The following ALG6 variants were observed in gnomAD, a reference collection of about 807,000 sequenced individuals.
ALG6 encodes dolichyl pyrophosphate Man9GlcNAc2 alpha-1,3-glucosyltransferase.
In ALG6, 46 loss-of-function variants were observed where a neutral mutation model predicts 66.6. The ratio of observed to expected loss-of-function variants is 0.69; its 90% CI spans 0.55 to 0.88. The LOEUF (loss-of-function observed/expected upper bound fraction) is 0.88. Ranked by LOEUF, ALG6 falls within the 40% of genes least tolerant of loss-of-function variation. The pLI, the probability that ALG6 is intolerant of heterozygous loss-of-function variation, is 0.00. For synonymous variants in ALG6, 185 were observed against 203.7 expected, an observed-to-expected ratio of 0.91 and a Z score of 0.78; for missense variants, 505 against 586.8, an observed-to-expected ratio of 0.86 and a Z score of 1.44.
intron 12 of ALG6, among the ~76,000 whole-genome samples, chr1:63,425,277 A>G (rs1253195410): frequency 6.6e-6 from 1 of 152,184 alleles, no homozygotes; most frequent in African/African-American, 2.4e-5. Context: ...CAAGAGGAGG[A>G]GCTGCTGGAG....
Position 63,407,053 on chromosome 1 carries a change from T to G in ALG6, c.430-9T>G, listed in dbSNP as rs769256352. 1.9e-5 allele frequency: 30 copies of G among 1,600,130 alleles called. No homozygotes were observed. The highest frequency in any genetic ancestry group is 6.0e-6 in the Non-Finnish European group (7 of 1,167,954). On this transcript the variant is annotated splice_polypyrimidine_tract_variant and intron_variant, in intron 6 of 14. Transcript: ENST00000263440. ...TTACTTTCTTATCTCACAATATTTG[T>G]CTTTACAGATTGCTAATGCATTATG...
intron 14 of ALG6, among the ~76,000 whole-genome samples, chr1:63,432,324 C>T (rs971326856): frequency 2.6e-5 from 4 of 151,582 alleles, no homozygotes; most frequent in Non-Finnish European, 5.9e-5. Context: ...GTTACACTAA[C>T]CTTGAATTCC....
chr1:63,433,909 A>G lies in ALG6; in HGVS notation c.1327-2914A>G, dbSNP rs1449884209. 6.6e-6 allele frequency among the ~76,000 whole-genome samples: 1 copy of G among 152,200 alleles called. No homozygotes were observed. The highest frequency in any genetic ancestry group is 1.5e-5 in the Non-Finnish European group (1 of 68,030). On this transcript the variant is annotated intron_variant, in intron 14 of 14. Coordinates refer to ENST00000263440, the MANE Select transcript of ALG6 (RefSeq NM_013339.4). The surrounding 1 kb of genome is among the most constrained non-coding windows in gnomAD (Gnocchi z 4.2). The stretch of plus-strand genomic sequence containing the variant: ...GAAATCGATATGATATGCAGGAGGG[A>G]TGAATGCAATTTTAAAGTGGCAGGG...
At chr1:63,378,864 G>GTT (rs34012309) in intron 2 of ALG6, among the ~76,000 whole-genome samples, 42 of 130,682 alleles carry the variant, frequency 3.2e-4, no homozygotes, top group African/African-American at 8.0e-4. Flanking sequence ...TAATTTGTTT[G>GTT]TTTTTTTTTT....
At chr1:63,422,262 G>A (rs180829377) in intron 12 of ALG6, among the ~76,000 whole-genome samples, 345 of 30,844 alleles carry the variant, frequency 0.011, 3 homozygotes, top group African/African-American at 0.068. Flanking sequence ...TATTTATATA[G>A]ATATAAATAT....
chr1:63,396,415 A>G (rs1648827831), intron 2 of ALG6, 98 bp from the exon 3 acceptor site: 4 of 1,021,302 alleles, frequency 3.9e-6, no homozygotes, highest in Admixed American at 3.7e-5. Context: ...TCTGTAACCT[A>G]CACTGCCTCT....
intron 2 of ALG6, among the ~76,000 whole-genome samples, chr1:63,376,824 T>A (rs760106959): frequency 1.3e-5 from 2 of 152,194 alleles, no homozygotes; most frequent in Non-Finnish European, 2.9e-5. Flanking sequence ...CCAATATTAT[T>A]GTTTTGATAC....
In ALG6 at chr1:63,438,453, G is replaced by A. The variant is rs918128399; in HGVS notation, c.*1433G>A. On this transcript the variant is annotated 3_prime_UTR_variant, in exon 15 of 15. Transcript: ENST00000263440. ...AGTACACTTGTGTTTAACATAGAAT[G>A]TTGACTTAGATAAATGATGAGGAAG... The A allele has an allele frequency of 6.6e-6, 1 of 152,128 alleles. No individual in the cohort carries two copies. The highest frequency in any genetic ancestry group is 2.4e-5 in the African/African-American group (1 of 41,398). The allele number at this position is 152,128 out of a possible 1,614,324, so 9.4% of individuals were successfully genotyped here. A position where few individuals can be genotyped will look rare whatever the true frequency, so the allele number is the denominator to read the frequency against.
chr1:63,389,992 C>T (rs1399495852), intron 2 of ALG6, among the ~76,000 whole-genome samples: 4 of 152,322 alleles, frequency 2.6e-5, no homozygotes, highest in Non-Finnish European at 4.4e-5. Flanking sequence ...CAAAAGTACC[C>T]GTGTGGCCAT....
chr1:63,422,654 G>C (rs1429965705), intron 12 of ALG6, among the ~76,000 whole-genome samples: 1 of 151,278 alleles, frequency 6.6e-6, no homozygotes, highest in Non-Finnish European at 1.5e-5. Flanking sequence ...AGCCTGATTA[G>C]GTAGGGTTAA....
chr1:63,400,263 ATATACG>A (rs1644450438), intron 3 of ALG6, among the ~76,000 whole-genome samples: 5 of 1,528 alleles, frequency 3.3e-3, no homozygotes, highest in Non-Finnish European at 3.5e-3. Context: ...ATGTATATAT[ATATACG>A]TATATATATA....
intron 7 of ALG6, among the ~76,000 whole-genome samples, 189 bp downstream of exon 7, chr1:63,407,315 G>C (rs1644493826): frequency 1.3e-5 from 2 of 152,058 alleles, no homozygotes; most frequent in South Asian, 4.1e-4. Flanking sequence ...TTTATTAAAA[G>C]TAGAATTGCT....
At chr1:63,369,686 T>A (rs527555509) in intron 1 of ALG6, among the ~76,000 whole-genome samples, 3 of 152,244 alleles carry the variant, frequency 2.0e-5, no homozygotes, top group Admixed American at 1.3e-4. Context: ...TTAGGTGGAA[T>A]GTACCAATTT....
chr1:63,417,561 A>G (rs1438790869), intron 11 of ALG6, among the ~76,000 whole-genome samples: 1 of 152,160 alleles, frequency 6.6e-6, no homozygotes, highest in Non-Finnish European at 1.5e-5. Flanking sequence ...CCTTTCAATC[A>G]TGTTTGCCTG....
At chr1:63,417,236 G>T (rs943578514) in intron 11 of ALG6, among the ~76,000 whole-genome samples, 1 of 152,188 alleles carries the variant, frequency 6.6e-6, no homozygotes, top group Non-Finnish European at 1.5e-5. Context: ...GTGATAGATT[G>T]TTGTTTTTCT....
rs1426417264 is a variant in ALG6, at chr1:63,407,002, T to C, written c.430-60T>C. ...AATGTGTTAGATAAAAACCACACTT[T>C]TACCCTGCTTGATTTGTGTAACAGA... On this transcript the variant is annotated intron_variant, in intron 6 of 14. Transcript: ENST00000263440. The C allele has an allele frequency of 3.7e-6, 5 of 1,347,554 alleles. No individual in the cohort carries two copies. In the East Asian group the frequency reaches 1.2e-4, roughly 31 times the overall value. The allele number at this position is 1,347,554 out of a possible 1,614,324, so 83.5% of individuals were successfully genotyped here.
In ALG6 at chr1:63,437,721, CTTAACT is replaced by C. The variant is rs934013898; in HGVS notation, c.*706_*711del. 1.7e-3 allele frequency: 265 copies of C among 152,146 alleles called. 1 individual carries two copies. Among genetic ancestry groups the C allele is most frequent in the African/African-American group, 6.0e-3 (250 of 41,514 alleles). 9.4% of individuals were successfully genotyped at this position (152,146 alleles called of 1,614,324 possible). Reference sequence around the variant, plus strand: ...TCCTGAATTTAAATGTAAGCTTTAACTTAACTTTAAGTGGTTTGAGTGAAGTCTTCT... The same window carrying C: ...TCCTGAATTTAAATGTAAGCTTTAACTTAAGTGGTTTGAGTGAAGTCTTCT... On this transcript the variant is annotated 3_prime_UTR_variant, in exon 15 of 15. Coordinates refer to ENST00000263440, the MANE Select transcript of ALG6 (RefSeq NM_013339.4).
chr1:63,372,596 ATATC>A (rs1256291361), intron 2 of ALG6, among the ~76,000 whole-genome samples: 1 of 152,098 alleles, frequency 6.6e-6, no homozygotes, highest in African/African-American at 2.4e-5. Context: ...ATATATATAA[ATATC>A]TGTATATATG....
At chr1:63,369,569 C>T (rs146876611) in intron 1 of ALG6, among the ~76,000 whole-genome samples, 2,345 of 150,954 alleles carry the variant, frequency 0.016, 22 homozygotes, top group Non-Finnish European at 0.023. Flanking sequence ...GCAGAGGTTG[C>T]GGTGAGCCGA....
Sources: allele counts gnomAD v4.1 joint callset (sites outside exome capture counted in the v4.1 genomes callset), GRCh38; gene constraint gnomAD v4.1.1; non-coding constraint Gnocchi (gnomAD v3.1); transcripts MANE v1.5; gene names NCBI Gene and HGNC (gene_info 2026-07-23, HGNC 2026-07-21).